The following FANCG variants were observed in gnomAD, a reference collection of about 807,000 sequenced individuals.
FANCG encodes FA complementation group G.
FANCG carries 67 observed loss-of-function variants against 73.3 expected under a neutral mutation model. The ratio of observed to expected loss-of-function variants is 0.91; its 90% CI spans 0.75 to 1.12. FANCG has a LOEUF of 1.12. Ranked by LOEUF, FANCG falls within the 50% of genes most tolerant of loss-of-function variation. The probability of loss-of-function intolerance (pLI) is 0.00; values close to 1 mark genes in which losing one functional copy is unlikely to be tolerated. For missense variants in FANCG, 643 were observed against 735.6 expected (o/e 0.87, Z 1.46); for synonymous variants, 297 against 311.6 (o/e 0.95, Z 0.49).
Position 35,079,194 on chromosome 9 carries a change from C to T in FANCG, c.132G>A (p.Gln44=), listed in dbSNP as rs771581491. 1.9e-6 allele frequency: 3 copies of T among 1,608,790 alleles called. No individual in the cohort carries two copies. Among genetic ancestry groups the T allele is most frequent in the Non-Finnish European group, 1.7e-6 (2 of 1,177,772 alleles). ...GLTLRRQQLA[Q]DALEGLRGLL... ...GCCCTCTGAGCCCTTCCAGTGCATC[C>T]TGAGCCAACTGCTGTCGCCTCAGAG... is the stretch of plus-strand genomic sequence containing the variant. Residue 44 remains glutamine (Q), a synonymous_variant, in exon 2 of 14, where the codon CAG becomes CAA. Transcript: ENST00000378643.
chr9:35,075,388 G>A (rs1829063392), intron 10 of FANCG, 63 bp from the exon 11 acceptor site: 1 of 1,613,606 alleles, frequency 6.2e-7, no homozygotes, highest in Non-Finnish European at 8.5e-7. Flanking sequence ...GGGTAAGTAG[G>A]TGAACATGGA....
At position 35,076,030 on chromosome 9, in the gene FANCG, T is replaced by C. The variant is rs769547477; in HGVS notation, c.1077-2A>G. ...TAATGCTCTGCAGCGTCTCCTGCCC[T>C]GAGGAGTAAAAGCCCATAAGCCTCA... On this transcript the variant is annotated splice_acceptor_variant, in intron 8 of 13. Coordinates refer to ENST00000378643, the MANE Select transcript of FANCG (RefSeq NM_004629.2). LOFTEE classifies it high-confidence loss of function. The C allele has an allele frequency of 6.2e-6, 10 of 1,613,928 alleles. No homozygotes were observed. Among genetic ancestry groups the C allele is most frequent in the Admixed American group, 5.0e-5 (3 of 60,026 alleles).
chr9:35,078,081 G>A (rs1829118781), intron 4 of FANCG, 60 bp downstream of exon 4: 3 of 1,505,170 alleles, frequency 2.0e-6, no homozygotes, highest in East Asian at 4.5e-5. Context: ...ACTGCAGCTG[G>A]AGAGAAAGGA....
intron 12 of FANCG, 53 bp from the exon 13 acceptor site, chr9:35,074,547 A>T (rs978951546): frequency 6.2e-7 from 1 of 1,612,540 alleles, no homozygotes; most frequent in East Asian, 2.2e-5. Context: ...AGTCTTAGGC[A>T]TTGTTTTATA....
rs373411028 is a variant in FANCG, at chr9:35,075,042, C to T, written c.1521G>A (p.Ala507=). ...CGGCTGCCCGAAGCTGCTGCAGTGCCGCATCTGACTTACATCCCTGCTCAC... is the reference window on the plus strand; with the variant it reads ...CGGCTGCCCGAAGCTGCTGCAGTGCTGCATCTGACTTACATCCCTGCTCAC... The part of the protein sequence containing the change: ...FNCEQGCKSD[A]ALQQLRAAAL... Residue 507 remains alanine, a synonymous_variant, in exon 12 of 14, where the codon GCG becomes GCA. Coordinates refer to ENST00000378643, the MANE Select transcript of FANCG (RefSeq NM_004629.2). 51 of 1,614,184 alleles carry T rather than the reference C, an allele frequency of 3.2e-5. No individual in the cohort carries two copies. In the East Asian group the frequency reaches 6.2e-4, roughly 20 times the overall value.
In FANCG at chr9:35,076,532, C is replaced by A. The variant is rs754484649; in HGVS notation, c.976G>T (p.Glu326Ter). 9 of 1,614,062 alleles carry A rather than the reference C, an allele frequency of 5.6e-6. No individual in the cohort carries two copies. The highest frequency in any genetic ancestry group is 1.3e-5 in the African/African-American group (1 of 74,904). The stretch of plus-strand genomic sequence containing the variant: ...AGGTCAGGTGGTGGCAGTAGTAATT[C>A]TACCTCAATGAGAAACTGCGGGGCT... Reference protein sequence around the residue: ...SKAPQFLIEVELLLPPPDLAS... With the variant: ...SKAPQFLIEV Residue 326 changes from glutamate to a stop codon, truncating the protein, a stop_gained, in exon 8 of 14, where the codon GAA (glutamate) becomes TAA (stop). Coordinates refer to ENST00000378643, the MANE Select transcript of FANCG (RefSeq NM_004629.2). LOFTEE classifies it high-confidence loss of function.
At chr9:35,078,438 G>A (rs1011059002) in intron 3 of FANCG, 95 bp from the exon 4 acceptor site, 2 of 1,516,196 alleles carry the variant, frequency 1.3e-6, no homozygotes, top group African/African-American at 2.7e-5. Context: ...TCTCCTGCAG[G>A]ACCCCAAAGG....
chr9:35,074,204 C>A lies in FANCG; in HGVS notation c.1773G>T (p.Leu591=), dbSNP rs776337442. Residue 591 remains leucine (L), a synonymous_variant, in exon 14 of 14, where the codon CTG becomes CTT. Transcript: ENST00000378643. ...SHEDALWSLP[L]YLESYLSWIR... is the part of the protein sequence containing the mutation. ...TCCAGCTCAAATAGCTTTCTAGGTA[C>A]AGGGGGAGAGACCTGGAGAGAAAGA... The A allele has an allele frequency of 1.2e-6, 2 of 1,614,040 alleles. No homozygotes were observed.
chr9:35,077,472 G>A, intron 4 of FANCG, 73 bp from the exon 5 acceptor site: 1 of 1,596,390 alleles, frequency 6.3e-7, no homozygotes, highest in Non-Finnish European at 8.6e-7. Flanking sequence ...ATCTATCCTG[G>A]CTAGACCTTG....
chr9:35,073,933 C>G lies in FANCG; in HGVS notation c.*175G>C. 1.5e-6 allele frequency: 1 copy of G among 677,066 alleles called. No homozygotes were observed. The highest frequency in any genetic ancestry group is 2.7e-6 in the Non-Finnish European group (1 of 370,398). 41.9% of individuals were successfully genotyped at this position (677,066 alleles called of 1,614,324 possible). On this transcript the variant is annotated 3_prime_UTR_variant, in exon 14 of 14. Coordinates refer to ENST00000378643, the MANE Select transcript of FANCG (RefSeq NM_004629.2). The stretch of plus-strand genomic sequence containing the variant: ...GACTTGGTGGTGGCAGAGATTGTTT[C>G]CTCCAAAACGAGAATGGTAGTAACT...
intron 8 of FANCG, 77 bp downstream of exon 8, chr9:35,076,355 G>A: frequency 6.4e-7 from 1 of 1,566,638 alleles, no homozygotes. Context: ...CAAGTCACAA[G>A]AACAAAAGCA....
At position 35,077,297 on chromosome 9, in the gene FANCG, C is replaced by A. The variant is rs1829103322; in HGVS notation, c.613G>T (p.Asp205Tyr). Residue 205 changes from aspartate (D) to tyrosine (Y), a missense_variant, in exon 5 of 14, where the codon GAT becomes TAT. Coordinates refer to ENST00000378643, the MANE Select transcript of FANCG (RefSeq NM_004629.2). ...TAGGCAAATGCTGTCAGGAGGACATCCTTCAATCCCTGGGCATCCTGCAGG... is the reference window on the plus strand; with the variant it reads ...TAGGCAAATGCTGTCAGGAGGACATACTTCAATCCCTGGGCATCCTGCAGG... ...LTLQDAQGLK[D>Y]VLLTAFAYRQ... The A allele has an allele frequency of 6.2e-7, 1 of 1,614,082 alleles. No individual in the cohort carries two copies. The highest frequency in any genetic ancestry group is 1.1e-5 in the South Asian group (1 of 91,088).
In FANCG at chr9:35,073,960, G is replaced by A. The variant is rs965879469; in HGVS notation, c.*148C>T. 9.7e-6 allele frequency: 7 copies of A among 721,984 alleles called. No individual in the cohort carries two copies. The highest frequency in any genetic ancestry group is 7.0e-5 in the African/African-American group (4 of 57,398). The allele number at this position is 721,984 out of a possible 1,614,324, so 44.7% of individuals were successfully genotyped here. On this transcript the variant is annotated 3_prime_UTR_variant, in exon 14 of 14. Coordinates refer to ENST00000378643, the MANE Select transcript of FANCG (RefSeq NM_004629.2). ...TCCAAAACGAGAATGGTAGTAACTA[G>A]GGCAAATTTCACAGGCCTACCACCA... is the stretch of plus-strand genomic sequence containing the variant.
chr9:35,077,848 CTG>C (rs1829114714), intron 4 of FANCG: 2 of 480,734 alleles, frequency 4.2e-6, no homozygotes, highest in South Asian at 4.2e-5. Context: ...TCACAACTCA[CTG>C]TTGCCTCCAC....
rs776122485 is a variant in FANCG at position 35,079,208 on chromosome 9, G to C, written c.118C>G (p.Gln40Glu). 1 of 1,608,660 alleles carries C rather than the reference G, an allele frequency of 6.2e-7. No individual in the cohort carries two copies. Among genetic ancestry groups the C allele is most frequent in the Non-Finnish European group, 8.5e-7 (1 of 1,177,762 alleles). ...TCCAGTGCATCCTGAGCCAACTGCT[G>C]TCGCCTCAGAGTCAGACCGGAGTTC... is the stretch of plus-strand genomic sequence containing the variant. ...AQNSGLTLRR[Q>E]QLAQDALEGL... The change falls in exon 2 of 14, where the codon CAG becomes GAG. Residue 40 changes from glutamine (Q) to glutamate (E), a missense_variant. Transcript: ENST00000378643.
intron 2 of FANCG, among the ~76,000 whole-genome samples, 153 bp downstream of exon 2, chr9:35,078,998 T>C (rs1175752149): frequency 6.6e-6 from 1 of 152,232 alleles, no homozygotes; most frequent in East Asian, 1.9e-4. Context: ...GAGAGGGATT[T>C]GCCTGTACAA....
At position 35,075,531 on chromosome 9, in the gene FANCG, T is replaced by A. The variant is rs148808709; in HGVS notation, c.1367A>T (p.His456Leu). The change falls in exon 10 of 14, where the codon CAC becomes CTC. Residue 456 changes from histidine (H) to leucine (L), a missense_variant. Transcript: ENST00000378643. ...PYCPLWVSAT[H>L]LLQGQAWVQL... ...AACCCAGGCCTGGCCCTGAAGCAGG[T>A]GGGTGGCAGAGACCCAGAGTGGGCA... The A allele has an allele frequency of 1.2e-4, 198 of 1,614,052 alleles. 2 individuals are homozygous for A. The Middle Eastern group carries it at 1.3e-3, about 11-fold the overall frequency.
At chr9:35,078,448 G>A (rs1829126379) in intron 3 of FANCG, 105 bp from the exon 4 acceptor site, 1 of 1,514,892 alleles carries the variant, frequency 6.6e-7, no homozygotes, top group African/African-American at 1.4e-5. Flanking sequence ...GACCCCAAAG[G>A]TCACAATAAT....
At chr9:35,075,783 G>C (rs779675331) in intron 9 of FANCG, 29 bp from the exon 10 acceptor site, 1 of 1,588,274 alleles carries the variant, frequency 6.3e-7, no homozygotes, top group Non-Finnish European at 8.6e-7. Flanking sequence ...GCAGTGTCTT[G>C]AAAGGCATGA....
Sources: gnomAD v4.1 joint callset for allele counts (sites outside exome capture counted in the v4.1 genomes callset) on GRCh38, gnomAD v4.1.1 for gene constraint, MANE v1.5 for transcripts, NCBI Gene and HGNC (gene_info 2026-07-23, HGNC 2026-07-21) for gene names.